TTLL11: variants seen among roughly 807,000 people sequenced by gnomAD.
TTLL11 encodes the protein tubulin polyglutamylase TTLL11.
A neutral mutation model predicts 51.7 loss-of-function variants in TTLL11; 42 were observed. The ratio of observed to expected loss-of-function variants is 0.81; its 90% CI spans 0.64 to 1.05. TTLL11 has a LOEUF of 1.05. Among genes scored for constraint, TTLL11 ranks in the 50% least tolerant of loss-of-function variants. The pLI, the probability that TTLL11 is intolerant of heterozygous loss-of-function variation, is 0.00. For missense variants in TTLL11, 799 were observed against 940.4 expected, an observed-to-expected ratio of 0.85 and a Z score of 1.97; for synonymous variants, 381 against 383.5, an observed-to-expected ratio of 0.99 and a Z score of 0.08.
At chr9:122,089,796 TA>T (rs1240490495) in intron 1 of TTLL11, among the ~76,000 whole-genome samples, 5 of 152,108 alleles carry the variant, frequency 3.3e-5, no homozygotes, top group Admixed American at 2.0e-4. Context: ...TAATTTTCAA[TA>T]TTTTTTTTAG....
At chr9:121,962,695 G>A (rs188983104) in intron 6 of TTLL11, among the ~76,000 whole-genome samples, 2 of 152,320 alleles carry the variant, frequency 1.3e-5, no homozygotes, top group Middle Eastern at 3.4e-3. Context: ...GGAATTTTCT[G>A]TCTTGGACTC....
Position 121,989,248 on chromosome 9 carries a change from CTT to C in TTLL11, c.1214_1215del (p.Lys405SerfsTer23). ...KTVIALTPEL[K>X]VFYQSDIPTG... is the part of the protein sequence containing the mutation. The stretch of plus-strand genomic sequence containing the variant: ...GTGGGGATGTCTGACTGGTAGAAGA[CTT>C]TGAGCTCTGGAGTCAGCGCGATGAC... On this transcript the variant is annotated frameshift_variant, in exon 4 of 9. Coordinates refer to ENST00000321582, the MANE Select transcript of TTLL11 (RefSeq NM_001139442.2). LOFTEE classifies it high-confidence loss of function. The surrounding 1 kb of genome is among the most constrained non-coding windows in gnomAD (Gnocchi z 4.2). The C allele has an allele frequency of 6.2e-7, 1 of 1,614,140 alleles. No individual in the cohort carries two copies. The highest frequency in any genetic ancestry group is 8.5e-7 in the Non-Finnish European group (1 of 1,179,986).
intron 6 of TTLL11, among the ~76,000 whole-genome samples, chr9:121,895,428 C>T (rs1444724152): frequency 2.0e-5 from 3 of 149,622 alleles, no homozygotes; most frequent in South Asian, 4.3e-4. Context: ...GTGTGCGCTG[C>T]GTGTGTGTCT....
At chr9:121,926,298 C>T (rs1042748385) in intron 6 of TTLL11, among the ~76,000 whole-genome samples, 7 of 152,208 alleles carry the variant, frequency 4.6e-5, no homozygotes, top group African/African-American at 1.4e-4. Context: ...AGGATTGCCA[C>T]GCGCTCTAAA....
chr9:122,012,986 C>G (rs1298841320), intron 3 of TTLL11, among the ~76,000 whole-genome samples: 2 of 152,166 alleles, frequency 1.3e-5, no homozygotes, highest in African/African-American at 4.8e-5. Flanking sequence ...TTGTGTTGGG[C>G]ACTGGGGAGC....
At chr9:122,058,797 G>A (rs879655520) in intron 1 of TTLL11, among the ~76,000 whole-genome samples, 1 of 152,160 alleles carries the variant, frequency 6.6e-6, no homozygotes, top group Non-Finnish European at 1.5e-5. Context: ...CCTCTACTAA[G>A]TATTTAAGCA....
At chr9:121,934,561 G>T (rs989133269) in intron 6 of TTLL11, among the ~76,000 whole-genome samples, 1 of 152,136 alleles carries the variant, frequency 6.6e-6, no homozygotes, top group Admixed American at 6.5e-5. Context: ...TGTTTTCCTC[G>T]AAGTGAAAAG....
At chr9:121,927,315 T>C (rs1840772622) in intron 6 of TTLL11, among the ~76,000 whole-genome samples, 1 of 152,246 alleles carries the variant, frequency 6.6e-6, no homozygotes, top group Non-Finnish European at 1.5e-5. Flanking sequence ...TGTAGATAGA[T>C]GGATAGAGAA....
At chr9:121,842,735 T>A (rs915595346) in intron 8 of TTLL11, among the ~76,000 whole-genome samples, 2 of 152,192 alleles carry the variant, frequency 1.3e-5, no homozygotes, top group African/African-American at 2.4e-5. Context: ...GTTTGTGAGA[T>A]TCTCTCTGCT....
At position 122,031,938 on chromosome 9, in the gene TTLL11, C is replaced by T. The variant is rs1844563999; in HGVS notation, c.560-82G>A. ...AGCCATTATTTGGGACTTTTAAAAC[C>T]ACCCACCCGACATATTCTCTTTTTC... On this transcript the variant is annotated intron_variant, in intron 2 of 8. Coordinates refer to ENST00000321582, the MANE Select transcript of TTLL11 (RefSeq NM_001139442.2). The T allele has an allele frequency of 4.0e-6, 6 of 1,514,596 alleles. No homozygotes were observed. In the East Asian group the frequency reaches 1.4e-4, roughly 35 times the overall value. The allele number at this position is 1,514,596 out of a possible 1,614,324, so 93.8% of individuals were successfully genotyped here.
At chr9:121,859,864 C>T (rs74469053) in intron 8 of TTLL11, among the ~76,000 whole-genome samples, 11,197 of 152,292 alleles carry the variant, frequency 0.074, 549 homozygotes, top group African/African-American at 0.14. Flanking sequence ...CCTTGGCCCT[C>T]CCTGGATGAG....
At chr9:121,983,151 C>G (rs1842862534) in intron 4 of TTLL11, among the ~76,000 whole-genome samples, 1 of 152,046 alleles carries the variant, frequency 6.6e-6, no homozygotes, top group Non-Finnish European at 1.5e-5. Context: ...GCAAGAGTTG[C>G]TTATGGATTG....
At chr9:122,044,472 C>A (rs1358024399) in intron 1 of TTLL11, among the ~76,000 whole-genome samples, 1 of 152,186 alleles carries the variant, frequency 6.6e-6, no homozygotes, top group African/African-American at 2.4e-5. Flanking sequence ...TACAGTCCCA[C>A]CAACAGTATA....
chr9:122,078,493 C>T (rs1473686464), intron 1 of TTLL11, among the ~76,000 whole-genome samples: 1 of 152,116 alleles, frequency 6.6e-6, no homozygotes, highest in Non-Finnish European at 1.5e-5. Flanking sequence ...AATAGCACAG[C>T]ATGAAGGCTC....
At chr9:121,852,379 G>T (rs7042080) in intron 8 of TTLL11, among the ~76,000 whole-genome samples, 2,665 of 152,264 alleles carry the variant, frequency 0.018, 80 homozygotes, top group African/African-American at 0.061. Flanking sequence ...GGCTTCCCGA[G>T]GGAAGGTAGC....
chr9:121,983,209 T>C (rs1179302983), intron 4 of TTLL11, among the ~76,000 whole-genome samples: 1 of 152,230 alleles, frequency 6.6e-6, no homozygotes. Flanking sequence ...CTCAGGCTGT[T>C]GGTCTGAGTG....
At chr9:121,916,935 T>C (rs2416835) in intron 6 of TTLL11, among the ~76,000 whole-genome samples, 41,654 of 152,052 alleles carry the variant, frequency 0.27, 5,772 homozygotes, top group East Asian at 0.35. Context: ...TAAAGGCCCA[T>C]CCAAGACCCC....
At chr9:121,906,417 C>G (rs1251569082) in intron 6 of TTLL11, among the ~76,000 whole-genome samples, 1 of 152,184 alleles carries the variant, frequency 6.6e-6, no homozygotes, top group Non-Finnish European at 1.5e-5. Flanking sequence ...ACTCTTCCTT[C>G]TCTGCCCTGC....
At chr9:122,004,284 G>T (rs562422223) in intron 3 of TTLL11, among the ~76,000 whole-genome samples, 1 of 152,256 alleles carries the variant, frequency 6.6e-6, no homozygotes, top group South Asian at 2.1e-4. Flanking sequence ...ATGTCAGACT[G>T]GGGGAAGGAA....
Sources: allele counts gnomAD v4.1 joint callset (sites outside exome capture counted in the v4.1 genomes callset), GRCh38; gene constraint gnomAD v4.1.1; non-coding constraint Gnocchi (gnomAD v3.1); transcripts MANE v1.5; gene names NCBI Gene and HGNC (gene_info 2026-07-23, HGNC 2026-07-21).